KAT2B: variants seen among roughly 807,000 people sequenced by gnomAD.
KAT2B encodes lysine acetyltransferase 2B.
KAT2B carries 36 observed loss-of-function variants against 105.9 expected under a neutral mutation model. That is an observed-to-expected ratio of 0.34 (90% CI 0.26 to 0.45). KAT2B has a LOEUF of 0.45. Ranked by LOEUF, KAT2B falls within the 20% of genes least tolerant of loss-of-function variation. The pLI, the probability that KAT2B is intolerant of heterozygous loss-of-function variation, is 1.00. For synonymous variants in KAT2B, 397 were observed against 377.9 expected, an observed-to-expected ratio of 1.05 and a Z score of -0.59; for missense variants, 820 against 1,021.6, an observed-to-expected ratio of 0.80 and a Z score of 2.69.
chr3:20,121,729 CATATGT>C (rs1405462112), intron 8 of KAT2B, among the ~76,000 whole-genome samples: 8 of 120,290 alleles, frequency 6.7e-5, no homozygotes, highest in African/African-American at 1.7e-4. Context: ...TACACATATG[CATATGT>C]GTGTGTGTGT....
At chr3:20,075,432 C>G (rs1698400984) in intron 2 of KAT2B, among the ~76,000 whole-genome samples, 1 of 151,908 alleles carries the variant, frequency 6.6e-6, no homozygotes, top group South Asian at 2.1e-4. Context: ...TCGGTTCTGA[C>G]ATGACCTACT....
At chr3:20,098,003 G>T (rs1698841112) in intron 3 of KAT2B, among the ~76,000 whole-genome samples, 1 of 152,112 alleles carries the variant, frequency 6.6e-6, no homozygotes, top group East Asian at 1.9e-4. Context: ...GCTGAGGCAG[G>T]CCCATTACCT....
intron 3 of KAT2B, among the ~76,000 whole-genome samples, chr3:20,097,785 C>G (rs940921617): frequency 3.9e-5 from 6 of 152,144 alleles, no homozygotes; most frequent in Non-Finnish European, 7.3e-5. Flanking sequence ...GATCTCCCCC[C>G]TCGGCCTTCC....
chr3:20,084,202 C>T (rs950017143), intron 2 of KAT2B, among the ~76,000 whole-genome samples: 1 of 152,148 alleles, frequency 6.6e-6, no homozygotes, highest in Non-Finnish European at 1.5e-5. Context: ...TACAGGGAAG[C>T]TTCTCTTTGA....
chr3:20,121,617 T>C (rs769236702), intron 8 of KAT2B, among the ~76,000 whole-genome samples: 3 of 152,178 alleles, frequency 2.0e-5, no homozygotes, highest in Non-Finnish European at 2.9e-5. Flanking sequence ...ATAAAGTGTG[T>C]CATTTTATAA....
rs151336172 is a variant in KAT2B at position 20,101,380 on chromosome 3, A to G, written c.763A>G (p.Ile255Val). Reference sequence around the variant, plus strand: ...GTTGGCAAAAATGTTCCTAAACCGCATCAACTATTGGCATCTGGAGGCACC... The same window carrying G: ...GTTGGCAAAAATGTTCCTAAACCGCGTCAACTATTGGCATCTGGAGGCACC... ...VELAKMFLNRINYWHLEAPSQ... is the reference protein window; with the variant it reads ...VELAKMFLNRVNYWHLEAPSQ... The change falls in exon 5 of 18, where the codon ATC becomes GTC. Residue 255 changes from isoleucine (I) to valine (V), a missense_variant. Physicochemically the swap from Ile to Val is conservative, Grantham distance 29 (BLOSUM62 3). Around this residue, in one of 6 missense-constraint regions of KAT2B, gnomAD observed 173 missense variants for 249.5 expected, o/e 0.69. Transcript: ENST00000263754. 1.2e-6 allele frequency: 2 copies of G among 1,613,934 alleles called. No individual in the cohort carries two copies. Among genetic ancestry groups the G allele is most frequent in the Non-Finnish European group, 1.7e-6 (2 of 1,179,916 alleles).
chr3:20,040,788 C>T lies in KAT2B; in HGVS notation c.303+8C>T, dbSNP rs1414460427. 1.3e-6 allele frequency: 2 copies of T among 1,583,870 alleles called. No individual in the cohort carries two copies. Among genetic ancestry groups the T allele is most frequent in the Non-Finnish European group, 1.7e-6 (2 of 1,169,496 alleles). ...GTGTACTCCGCCTGCAAGGTACGCG[C>T]TCGCCGCTCTCGGACCGCGGATGGG... On this transcript the variant is annotated splice_region_variant and intron_variant, in intron 1 of 17. Coordinates refer to ENST00000263754, the MANE Select transcript of KAT2B (RefSeq NM_003884.5).
chr3:20,142,762 A>G (rs953482816), intron 13 of KAT2B, among the ~76,000 whole-genome samples: 5 of 141,108 alleles, frequency 3.5e-5, no homozygotes, highest in African/African-American at 1.2e-4. Flanking sequence ...AGAGGCTCAG[A>G]GTCCAATGGA....
At chr3:20,132,320 C>T (rs1699525256) in intron 11 of KAT2B, among the ~76,000 whole-genome samples, 1 of 152,138 alleles carries the variant, frequency 6.6e-6, no homozygotes, top group South Asian at 2.1e-4. Context: ...TTGCGGTGAG[C>T]CAAGATTGTG....
chr3:20,125,397 G>A (rs891805015), intron 9 of KAT2B, among the ~76,000 whole-genome samples: 6 of 151,786 alleles, frequency 4.0e-5, no homozygotes, highest in African/African-American at 4.8e-5. Context: ...GGTCCTTAAA[G>A]CTCAGCTGGA....
chr3:20,111,751 T>C lies in KAT2B; in HGVS notation c.1007T>C (p.Leu336Pro). ...QARQEKDKLP[L>P]EKRTLILTHF... is the part of the protein sequence containing the mutation. ...AGACAGGAAAAAGATAAACTGCCTC[T>C]TGAAAAACGAACTCTAATCCTCACT... The change falls in exon 6 of 18, where the codon CTT becomes CCT. Residue 336 changes from leucine (L) to proline (P), a missense_variant. Around this residue, in one of 6 missense-constraint regions of KAT2B, gnomAD observed 173 missense variants for 249.5 expected, o/e 0.69. Transcript: ENST00000263754. 1 of 1,613,960 alleles carries C rather than the reference T, an allele frequency of 6.2e-7. No homozygotes were observed. Among genetic ancestry groups the C allele is most frequent in the Non-Finnish European group, 8.5e-7 (1 of 1,179,924 alleles).
At chr3:20,151,434 AG>A (rs573463120) in intron 17 of KAT2B, among the ~76,000 whole-genome samples, 6 of 151,690 alleles carry the variant, frequency 4.0e-5, no homozygotes, top group Non-Finnish European at 8.8e-5. Context: ...ATTGGTAGTC[AG>A]AAGTGGGGTT....
intron 10 of KAT2B, among the ~76,000 whole-genome samples, chr3:20,127,005 A>G (rs1024487034): frequency 1.3e-5 from 2 of 152,136 alleles, no homozygotes; most frequent in Non-Finnish European, 2.9e-5. Context: ...GTATATGTAA[A>G]TTTTAAATTC....
chr3:20,102,341 G>A (rs935876107), intron 5 of KAT2B, among the ~76,000 whole-genome samples: 2 of 152,066 alleles, frequency 1.3e-5, no homozygotes, highest in African/African-American at 4.8e-5. Flanking sequence ...GATTAGCTTA[G>A]TTCCAGAACT....
chr3:20,085,073 G>A, intron 2 of KAT2B, among the ~76,000 whole-genome samples: 1 of 152,218 alleles, frequency 6.6e-6, no homozygotes, highest in East Asian at 1.9e-4. Flanking sequence ...AGACAGGCCA[G>A]ATGCAGAGGC....
chr3:20,056,516 G>A (rs1698006483), intron 1 of KAT2B, among the ~76,000 whole-genome samples: 1 of 152,150 alleles, frequency 6.6e-6, no homozygotes. Context: ...TAGAATCTGG[G>A]ACATTCTGAA....
At chr3:20,068,009 GT>G (rs1285664934) in intron 1 of KAT2B, among the ~76,000 whole-genome samples, 1 of 127,876 alleles carries the variant, frequency 7.8e-6, no homozygotes, top group African/African-American at 2.9e-5. Context: ...TTTTTTTTTT[GT>G]TTTTGAGGCA....
chr3:20,136,919 T>C, intron 11 of KAT2B, 23 bp from the exon 12 acceptor site: 1 of 1,327,808 alleles, frequency 7.5e-7, no homozygotes, highest in Non-Finnish European at 1.1e-6. Flanking sequence ...AATGTATTTG[T>C]TTGTATACTA....
intron 2 of KAT2B, among the ~76,000 whole-genome samples, chr3:20,086,678 G>A (rs1010098661): frequency 2.2e-4 from 33 of 152,096 alleles, no homozygotes; most frequent in Admixed American, 3.9e-4. Flanking sequence ...CCATCACTCT[G>A]CCTTTCAATT....
Sources: allele counts gnomAD v4.1 joint callset (sites outside exome capture counted in the v4.1 genomes callset), GRCh38; gene constraint gnomAD v4.1.1; regional missense constraint gnomAD v4.1.1; transcripts MANE v1.5; gene names NCBI Gene and HGNC (gene_info 2026-07-23, HGNC 2026-07-21).